Variants in LYST observed in about 807,000 individuals in gnomAD.
LYST encodes the protein lysosomal-trafficking regulator.
Under a neutral mutation model 413.6 loss-of-function variants are expected in LYST, and 192 were observed. That is an observed-to-expected ratio of 0.46 (90% CI 0.41 to 0.52). The LOEUF is 0.52. LYST is among the 20% of genes least tolerant of loss of function. LYST has a pLI of 0.00. For missense variants in LYST, 3,815 were observed against 4,499.9 expected (o/e 0.85, Z 4.35); for synonymous variants, 1,525 against 1,567.3 (o/e 0.97, Z 0.64).
intron 2 of LYST, among the ~76,000 whole-genome samples, chr1:235,831,956 G>A (rs1476487262): frequency 6.6e-6 from 1 of 152,128 alleles, no homozygotes; most frequent in Non-Finnish European, 1.5e-5. Flanking sequence ...ATGACACAAT[G>A]CTTCTTATCA....
intron 47 of LYST, among the ~76,000 whole-genome samples, chr1:235,689,386 T>C (rs994437450): frequency 1.2e-4 from 18 of 152,296 alleles, no homozygotes; most frequent in Admixed American, 2.0e-4. Context: ...AAGTAAAATC[T>C]GCCAGGCACA....
chr1:235,734,453 T>A, intron 32 of LYST, 30 bp downstream of exon 32: 5 of 1,580,700 alleles, frequency 3.2e-6, no homozygotes, highest in Non-Finnish European at 4.3e-6. Context: ...TGGAATCTCC[T>A]AAGAAAGTAC....
At chr1:235,684,118 C>T (rs1660032349) in intron 48 of LYST, among the ~76,000 whole-genome samples, 1 of 152,144 alleles carries the variant, frequency 6.6e-6, no homozygotes, top group Admixed American at 6.5e-5. Context: ...GTGTCATGAC[C>T]TCAAAACTAA....
intron 26 of LYST, 115 bp from the exon 27 acceptor site, chr1:235,752,286 C>A: frequency 1.4e-6 from 1 of 715,418 alleles, no homozygotes. Flanking sequence ...AGCTTGCACT[C>A]ATTCATGCAG....
intron 45 of LYST, among the ~76,000 whole-genome samples, chr1:235,698,228 T>C (rs956431973): frequency 5.3e-5 from 8 of 152,186 alleles, no homozygotes; most frequent in African/African-American, 2.4e-5. Flanking sequence ...AAAAATAATA[T>C]ATTAAGCAAT....
intron 16 of LYST, 134 bp from the exon 17 acceptor site, chr1:235,777,442 A>G: frequency 1.4e-6 from 1 of 722,018 alleles, no homozygotes; most frequent in Non-Finnish European, 2.4e-6. Context: ...CAGCTACTAC[A>G]CTAAACAGAT....
chr1:235,769,293 C>T (rs949969314), intron 20 of LYST, among the ~76,000 whole-genome samples: 5 of 151,888 alleles, frequency 3.3e-5, no homozygotes, highest in Non-Finnish European at 7.4e-5. Context: ...AAAAGTCTTA[C>T]TTGTTTAAGG....
In LYST at chr1:235,805,821, A is replaced by T. The variant is rs1672771320; in HGVS notation, c.3315T>A (p.Leu1105=). 7.4e-6 allele frequency: 12 copies of T among 1,613,634 alleles called. No individual in the cohort carries two copies. Among genetic ancestry groups the T allele is most frequent in the Non-Finnish European group, 1.0e-5 (12 of 1,179,834 alleles). Residue 1105 remains leucine, a synonymous_variant, in exon 6 of 53, where the codon CTT becomes CTA. Transcript: ENST00000389793. ...GACAAATGGCCAGAAGGGCTTCCAA[A>T]AGTCGTATACTTTGAAGTGAGGTCT... ...ESETSLQSIR[L]LEALLAICLH... is the part of the protein sequence containing the mutation.
chr1:235,737,490 A>G (rs1476637227), intron 31 of LYST: 2 of 152,212 alleles, frequency 1.3e-5, no homozygotes, highest in African/African-American at 4.8e-5. Flanking sequence ...TCTAAATACT[A>G]TCATCTCCTT....
chr1:235,758,941 G>A (rs1033974261), intron 23 of LYST, 31 bp downstream of exon 23: 2 of 1,608,794 alleles, frequency 1.2e-6, no homozygotes, highest in African/African-American at 2.7e-5. Flanking sequence ...TAAAATAAAG[G>A]TGGGAGGAGT....
chr1:235,736,993 GCAAA>G (rs966926819), intron 31 of LYST: 2 of 151,736 alleles, frequency 1.3e-5, no homozygotes, highest in African/African-American at 4.8e-5. Context: ...ACAAAATTAA[GCAAA>G]CAAACAAAAA....
At position 235,676,959 on chromosome 1, in the gene LYST, C is replaced by T. The variant is rs914929277; in HGVS notation, c.11038+132G>A. On this transcript the variant is annotated intron_variant, in intron 50 of 52. Transcript: ENST00000389793. Reference sequence around the variant, plus strand: ...TTGGACCATATTGTATTTCTATACACATACATGCTGTTACCAAAGTATTTA... The same window carrying T: ...TTGGACCATATTGTATTTCTATACATATACATGCTGTTACCAAAGTATTTA... 4.7e-5 allele frequency: 34 copies of T among 730,594 alleles called. No individual in the cohort carries two copies. In the East Asian group the frequency reaches 8.3e-4, roughly 18 times the overall value. The allele number at this position is 730,594 out of a possible 1,614,324, so 45.3% of individuals were successfully genotyped here.
At chr1:235,772,201 G>T (rs1351057537) in intron 19 of LYST, among the ~76,000 whole-genome samples, 1 of 151,930 alleles carries the variant, frequency 6.6e-6, no homozygotes, top group East Asian at 1.9e-4. Flanking sequence ...TTTTAGCCTG[G>T]GTGACAGAGT....
At chr1:235,723,697 T>C (rs1311161647) in intron 39 of LYST, among the ~76,000 whole-genome samples, 1 of 152,174 alleles carries the variant, frequency 6.6e-6, no homozygotes, top group African/African-American at 2.4e-5. Context: ...AGCAAGCATA[T>C]GCAACTTTCC....
Position 235,788,712 on chromosome 1 carries a change from A to G in LYST, c.4677T>C (p.Thr1559=), listed in dbSNP as rs1358282599. The G allele has an allele frequency of 6.2e-7, 1 of 1,613,762 alleles. No individual in the cohort carries two copies. Among genetic ancestry groups the G allele is most frequent in the Middle Eastern group, 1.6e-4 (1 of 6,062 alleles). The change falls in exon 13 of 53, where the codon ACT becomes ACC. Residue 1559 remains threonine (T), a synonymous_variant. Coordinates refer to ENST00000389793, the MANE Select transcript of LYST (RefSeq NM_000081.4). ...IQVWADPHNA[T]LIFRVCMDSN... ...AGGATAATCAATACCGAAAGATAAGAGTGGCATTGTGGGGATCAGCCCACA... is the reference window on the plus strand; with the variant it reads ...AGGATAATCAATACCGAAAGATAAGGGTGGCATTGTGGGGATCAGCCCACA...
chr1:235,845,007 G>T (rs909668198), intron 1 of LYST, among the ~76,000 whole-genome samples: 7 of 152,142 alleles, frequency 4.6e-5, no homozygotes, highest in African/African-American at 1.4e-4. Flanking sequence ...CTAGATTGCA[G>T]CTCTGGACAG....
chr1:235,675,478 A>C (rs1437361725), intron 50 of LYST, among the ~76,000 whole-genome samples: 1 of 152,170 alleles, frequency 6.6e-6, no homozygotes, highest in East Asian at 1.9e-4. Flanking sequence ...GGTCGGACGC[A>C]GGCAGCACCT....
intron 45 of LYST, among the ~76,000 whole-genome samples, chr1:235,697,943 T>TAG (rs905487007): frequency 6.6e-6 from 1 of 152,178 alleles, no homozygotes; most frequent in South Asian, 2.1e-4. Flanking sequence ...GTGAAGACTC[T>TAG]AGAGAGATAC....
chr1:235,741,042 G>T (rs979236272), intron 31 of LYST, among the ~76,000 whole-genome samples: 1 of 152,058 alleles, frequency 6.6e-6, no homozygotes, highest in South Asian at 2.1e-4. Context: ...ATATATTTTT[G>T]AGATATGTTA....
Sources: gnomAD v4.1 joint callset for allele counts (sites outside exome capture counted in the v4.1 genomes callset) on GRCh38, gnomAD v4.1.1 for gene constraint, MANE v1.5 for transcripts, NCBI Gene and HGNC (gene_info 2026-07-23, HGNC 2026-07-21) for gene names.